SUPT3H: variants seen among roughly 807,000 people sequenced by gnomAD.
The protein encoded by SUPT3H is transcription initiation protein SPT3 homolog.
In SUPT3H, 44 loss-of-function variants were observed where a neutral mutation model predicts 44.3. That is an observed-to-expected ratio of 0.99 (90% CI 0.78 to 1.28). SUPT3H has a LOEUF of 1.28. Among genes scored for constraint, SUPT3H ranks in the 50% most tolerant of loss-of-function variants. The pLI is 0.00. For missense variants in SUPT3H, 380 were observed against 387.1 expected, an observed-to-expected ratio of 0.98 and a Z score of 0.15; for synonymous variants, 124 against 125.6, an observed-to-expected ratio of 0.99 and a Z score of 0.09.
rs57751711 is a variant in SUPT3H at position 45,349,174 on chromosome 6, A to G, written c.101+16027T>C. ...CTAGGGACAACTACACTAGAGGGGG[A>G]AAAAAGAATATCGCTAGTATTTCAG... On this transcript the variant is annotated intron_variant, in intron 2 of 10. Coordinates refer to ENST00000371459, the MANE Select transcript of SUPT3H (RefSeq NM_003599.4). Among the ~76,000 whole-genome samples, 592 of 152,250 alleles carry G rather than the reference A, an allele frequency of 3.9e-3. 7 individuals are homozygous for G. The highest frequency in any genetic ancestry group is 0.014 in the African/African-American group (564 of 41,552).
At chr6:45,321,740 T>C in intron 2 of SUPT3H, 1 of 1,210,278 alleles carries the variant, frequency 8.3e-7, no homozygotes, top group Non-Finnish European at 1.2e-6. Context: ...TTCTCTCTTC[T>C]ACCCATAAAC....
chr6:45,183,336 G>C (rs571412070), intron 2 of SUPT3H, among the ~76,000 whole-genome samples: 20 of 152,212 alleles, frequency 1.3e-4, no homozygotes, highest in African/African-American at 4.8e-4. Context: ...AAGTAACTGC[G>C]GAATGTATAC....
intron 10 of SUPT3H, among the ~76,000 whole-genome samples, chr6:44,889,439 GC>G (rs1762904486): frequency 6.6e-6 from 1 of 151,676 alleles, no homozygotes; most frequent in African/African-American, 2.4e-5. Context: ...ATGGAACAGA[GC>G]CCTCAGAAAT....
In SUPT3H at chr6:45,204,333, C is replaced by A. The variant is rs921410569; in HGVS notation, c.102-98327G>T. Among the ~76,000 whole-genome samples, 3 of 149,224 alleles carry A rather than the reference C, an allele frequency of 2.0e-5. No individual in the cohort carries two copies. In the Admixed American group the frequency reaches 2.0e-4, roughly 10 times the overall value. On this transcript the variant is annotated intron_variant, in intron 2 of 10. Coordinates refer to ENST00000371459, the MANE Select transcript of SUPT3H (RefSeq NM_003599.4). ...TACATCTTCAGAGCCAGGTAAGAGTCTAAAATAATAAACATTTGATAACTG... is the reference window on the plus strand; with the variant it reads ...TACATCTTCAGAGCCAGGTAAGAGTATAAAATAATAAACATTTGATAACTG...
At chr6:45,335,982 C>T (rs796149179) in intron 2 of SUPT3H, among the ~76,000 whole-genome samples, 1 of 151,200 alleles carries the variant, frequency 6.6e-6, no homozygotes, top group Non-Finnish European at 1.5e-5. Flanking sequence ...AGACAATGTG[C>T]TACAGTGTAT....
chr6:45,129,913 A>C (rs1803161738), intron 2 of SUPT3H, among the ~76,000 whole-genome samples: 1 of 152,176 alleles, frequency 6.6e-6, no homozygotes, highest in Admixed American at 6.5e-5. Flanking sequence ...AACACACACA[A>C]AAAAGGCAGT....
intron 2 of SUPT3H, among the ~76,000 whole-genome samples, chr6:45,336,057 T>G (rs1788484307): frequency 1.3e-5 from 2 of 151,306 alleles, no homozygotes; most frequent in South Asian, 4.1e-4. Flanking sequence ...CCAACCTCCT[T>G]TCCACAGAAG....
At chr6:45,190,943 G>C (rs944483040) in intron 2 of SUPT3H, among the ~76,000 whole-genome samples, 13 of 152,026 alleles carry the variant, frequency 8.6e-5, no homozygotes, top group African/African-American at 3.1e-4. Flanking sequence ...GGAGCAACAG[G>C]AACTCTCATT....
At chr6:45,342,801 G>T (rs1428149386) in intron 2 of SUPT3H, among the ~76,000 whole-genome samples, 3 of 152,070 alleles carry the variant, frequency 2.0e-5, no homozygotes, top group African/African-American at 7.2e-5. Context: ...GAAGAACAAT[G>T]TTTTTAATTT....
At chr6:44,944,781 A>AAAAAAAG (rs1185186363) in intron 9 of SUPT3H, among the ~76,000 whole-genome samples, 7 of 136,944 alleles carry the variant, frequency 5.1e-5, no homozygotes, top group African/African-American at 1.5e-4. Context: ...AAAAAAAAAA[A>AAAAAAAG]AAAAGAAAAG....
chr6:45,204,639 G>C (rs1042664544), intron 2 of SUPT3H, among the ~76,000 whole-genome samples: 1 of 152,116 alleles, frequency 6.6e-6, no homozygotes, highest in Non-Finnish European at 1.5e-5. Flanking sequence ...TTTCATTTGG[G>C]GGGAAAAGTT....
chr6:45,045,269 G>T (rs763835187), intron 3 of SUPT3H, among the ~76,000 whole-genome samples: 4 of 152,068 alleles, frequency 2.6e-5, no homozygotes, highest in Non-Finnish European at 5.9e-5. Flanking sequence ...GAGAACTACC[G>T]TTATAAGAAA....
chr6:44,865,061 C>T (rs1180574463), intron 10 of SUPT3H, among the ~76,000 whole-genome samples: 1 of 152,214 alleles, frequency 6.6e-6, no homozygotes, highest in Non-Finnish European at 1.5e-5. Flanking sequence ...TAAATCATCT[C>T]TCTCAAGTTG....
intron 10 of SUPT3H, among the ~76,000 whole-genome samples, chr6:44,879,702 C>T (rs1777901784): frequency 6.6e-6 from 1 of 152,156 alleles, no homozygotes; most frequent in South Asian, 2.1e-4. Flanking sequence ...GGCGGGTGCC[C>T]CACTGGGATG....
intron 10 of SUPT3H, among the ~76,000 whole-genome samples, chr6:44,830,458 T>C (rs1173685993): frequency 1.3e-5 from 2 of 152,154 alleles, no homozygotes; most frequent in African/African-American, 2.4e-5. Flanking sequence ...TGGATATGCA[T>C]GGTGGGATAA....
chr6:45,031,683 C>T (rs983787732), intron 3 of SUPT3H, among the ~76,000 whole-genome samples: 1 of 151,904 alleles, frequency 6.6e-6, no homozygotes, highest in Admixed American at 6.6e-5. Context: ...AGTGTTTAAC[C>T]CTGGGTATAG....
chr6:44,885,729 A>G (rs1419087264), intron 10 of SUPT3H, among the ~76,000 whole-genome samples: 5 of 152,206 alleles, frequency 3.3e-5, no homozygotes, highest in Admixed American at 2.0e-4. Context: ...CCAAAGGAAC[A>G]CAGTTCCTCA....
At chr6:44,818,250 C>A (rs1358092936) in intron 11 of SUPT3H, among the ~76,000 whole-genome samples, 2 of 149,394 alleles carry the variant, frequency 1.3e-5, no homozygotes, top group East Asian at 3.9e-4. Context: ...ACATCCACAT[C>A]CATATGCAAA....
chr6:45,015,595 C>T (rs983877686), intron 4 of SUPT3H, among the ~76,000 whole-genome samples: 2 of 152,102 alleles, frequency 1.3e-5, no homozygotes, highest in Non-Finnish European at 2.9e-5. Context: ...AGCTTACTTA[C>T]TGTAACTATT....
Sources: gnomAD v4.1 joint callset for allele counts (sites outside exome capture counted in the v4.1 genomes callset) on GRCh38, gnomAD v4.1.1 for gene constraint, MANE v1.5 for transcripts, NCBI Gene and HGNC (gene_info 2026-07-23, HGNC 2026-07-21) for gene names.